Variants in ARHGAP23 observed in about 807,000 individuals in gnomAD.
ARHGAP23 encodes Rho GTPase activating protein 23.
In ARHGAP23, 34 loss-of-function variants were observed where a neutral mutation model predicts 136.3. The observed-to-expected ratio is 0.25, with a 90% CI of 0.19 to 0.33. The LOEUF is 0.33. Ranked by LOEUF, ARHGAP23 falls within the 10% of genes least tolerant of loss-of-function variation. ARHGAP23 has a pLI of 1.00. For synonymous variants in ARHGAP23, 832 were observed against 920.5 expected, an observed-to-expected ratio of 0.90 and a Z score of 1.74; for missense variants, 1,808 against 2,139.0, an observed-to-expected ratio of 0.85 and a Z score of 3.05.
At chr17:38,473,307 T>C (rs1387901180) in intron 11 of ARHGAP23, among the ~76,000 whole-genome samples, 1 of 152,066 alleles carries the variant, frequency 6.6e-6, no homozygotes, top group Non-Finnish European at 1.5e-5. Flanking sequence ...TGGGGGTCCC[T>C]GGAAAGAACA....
Position 38,466,874 on chromosome 17 carries a change from G to C in ARHGAP23, c.1191G>C (p.Leu397=). ...CCCCCGCCTGCCCAACTCGGGACCT[G>C]CCAGGGCCCCAGGCCCCACCCCCGT... is the stretch of plus-strand genomic sequence containing the variant. ...ARTPACPTRD[L]PGPQAPPPSG... is the part of the protein sequence containing the mutation. The change falls in exon 7 of 24, where the codon CTG becomes CTC. Residue 397 remains leucine, a synonymous_variant. Coordinates refer to ENST00000622683, the MANE Select transcript of ARHGAP23 (RefSeq NM_001199417.2). The C allele has an allele frequency of 6.5e-7, 1 of 1,549,760 alleles. No homozygotes were observed. Among genetic ancestry groups the C allele is most frequent in the Non-Finnish European group, 8.7e-7 (1 of 1,146,822 alleles).
At chr17:38,476,009 A>G (rs1396397409) in intron 11 of ARHGAP23, among the ~76,000 whole-genome samples, 1 of 152,178 alleles carries the variant, frequency 6.6e-6, no homozygotes, top group Non-Finnish European at 1.5e-5. Flanking sequence ...GAGAAAGGAA[A>G]GGCTTGGCTC....
chr17:38,460,954 C>T, intron 3 of ARHGAP23, 22 bp downstream of exon 3: 3 of 1,535,818 alleles, frequency 2.0e-6, no homozygotes, highest in Non-Finnish European at 2.6e-6. Flanking sequence ...CTGGCGGGCG[C>T]TGGACCTGCA....
chr17:38,466,629 TC>T lies in ARHGAP23; in HGVS notation c.949del (p.Gln317ArgfsTer22). On this transcript the variant is annotated frameshift_variant, in exon 7 of 24. Coordinates refer to ENST00000622683, the MANE Select transcript of ARHGAP23 (RefSeq NM_001199417.2). LOFTEE classifies it high-confidence loss of function. ...CATGGCCCCCCGGGCCCGCAGCGCC[TC>T]CCAGGACCGGTTGGAGGAGGTGGCT... is the stretch of plus-strand genomic sequence containing the variant. Reference protein sequence around the residue: ...PAMAPRARSASQDRLEEVAAP... With the variant: ...PAMAPRARSAXQDRLEEVAAP... 2 of 1,520,710 alleles carry T rather than the reference TC, an allele frequency of 1.3e-6. No homozygotes were observed. Among genetic ancestry groups the T allele is most frequent in the South Asian group, 1.2e-5 (1 of 80,766 alleles). 94.2% of individuals were successfully genotyped at this position (1,520,710 alleles called of 1,614,324 possible). A position where few individuals can be genotyped will look rare whatever the true frequency, so the allele number is the denominator to read the frequency against.
chr17:38,456,131 G>A (rs1194415787), intron 1 of ARHGAP23, among the ~76,000 whole-genome samples: 1 of 152,116 alleles, frequency 6.6e-6, no homozygotes, highest in Non-Finnish European at 1.5e-5. Context: ...TATTCCACCT[G>A]GCTCTGTCCC....
At position 38,511,613 on chromosome 17, in the gene ARHGAP23, G is replaced by C. The variant is rs1482808566; in HGVS notation, c.*641G>C. The C allele has an allele frequency of 6.6e-6, 1 of 152,260 alleles. No individual in the cohort carries two copies. Among genetic ancestry groups the C allele is most frequent in the Non-Finnish European group, 1.5e-5 (1 of 68,144 alleles). 9.4% of individuals were successfully genotyped at this position (152,260 alleles called of 1,614,324 possible). ...CGCCCCCCTTGCCAGAGCCAGAGAA[G>C]GGGGTTGGGGCCATTCCAAGGAGGC... On this transcript the variant is annotated 3_prime_UTR_variant, in exon 24 of 24. Coordinates refer to ENST00000622683, the MANE Select transcript of ARHGAP23 (RefSeq NM_001199417.2).
At chr17:38,501,492 G>A (rs1476091314) in intron 23 of ARHGAP23, among the ~76,000 whole-genome samples, 2 of 151,970 alleles carry the variant, frequency 1.3e-5, no homozygotes, top group Non-Finnish European at 2.9e-5. Flanking sequence ...TAGTGGAGAC[G>A]GGGTTTCACC....
At chr17:38,481,032 C>T (rs1370409988) in intron 14 of ARHGAP23, among the ~76,000 whole-genome samples, 1 of 151,938 alleles carries the variant, frequency 6.6e-6, no homozygotes, top group African/African-American at 2.4e-5. Context: ...GTCACTCAGG[C>T]TGGAGTGATC....
At chr17:38,465,823 G>A (rs2039577188) in intron 6 of ARHGAP23, among the ~76,000 whole-genome samples, 1 of 152,102 alleles carries the variant, frequency 6.6e-6, no homozygotes, top group Non-Finnish European at 1.5e-5. Flanking sequence ...TTGGGCATTG[G>A]TGGACATAAG....
At chr17:38,469,082 G>A in intron 7 of ARHGAP23, 62 bp from the exon 8 acceptor site, 7 of 1,489,748 alleles carry the variant, frequency 4.7e-6, no homozygotes, top group Non-Finnish European at 5.4e-6. Flanking sequence ...GCAAGGCTAG[G>A]GTGGAGGCAG....
At chr17:38,454,371 G>A (rs867820100) in intron 1 of ARHGAP23, among the ~76,000 whole-genome samples, 3 of 152,142 alleles carry the variant, frequency 2.0e-5, no homozygotes, top group Non-Finnish European at 4.4e-5. Context: ...AGTCTGGGTC[G>A]AGGCCTCCAC....
chr17:38,464,952 C>T (rs978217501), intron 6 of ARHGAP23, among the ~76,000 whole-genome samples: 2 of 152,190 alleles, frequency 1.3e-5, no homozygotes, highest in African/African-American at 4.8e-5. Context: ...CCTCCACACC[C>T]ATCCTCTCCT....
At chr17:38,498,598 C>T in intron 22 of ARHGAP23, 88 bp downstream of exon 22, 4 of 1,122,388 alleles carry the variant, frequency 3.6e-6, no homozygotes, top group Non-Finnish European at 5.0e-6. Context: ...TGCCCAGCTT[C>T]CCTGTGCCAC....
chr17:38,426,387 A>T (rs750205687), upstream of ARHGAP23, among the ~76,000 whole-genome samples: 7 of 151,848 alleles, frequency 4.6e-5, no homozygotes, highest in African/African-American at 1.7e-4. Flanking sequence ...CTAAAAATAC[A>T]AAAAATTAAA....
intron 1 of ARHGAP23, among the ~76,000 whole-genome samples, chr17:38,436,502 C>A (rs748530479): frequency 1.2e-4 from 18 of 152,222 alleles, no homozygotes; most frequent in Non-Finnish European, 1.9e-4. Context: ...TTGGGAAAGT[C>A]CGCCAGTGGG....
At chr17:38,497,171 A>G (rs1293139577) in intron 20 of ARHGAP23, among the ~76,000 whole-genome samples, 1 of 152,186 alleles carries the variant, frequency 6.6e-6, no homozygotes, top group Non-Finnish European at 1.5e-5. Context: ...AGATTCTCAA[A>G]TTTTACAAAA....
In ARHGAP23 at chr17:38,466,678, C is replaced by G; in HGVS notation, c.995C>G (p.Ser332Cys). Residue 332 changes from serine (S) to cysteine (C), a missense_variant, in exon 7 of 24, where the codon TCC (serine) becomes TGC (cysteine). Ser to Cys is a moderately radical substitution (Grantham distance 112). Transcript: ENST00000622683. ...EVAAPRPWPCSTSQDALSQLG... is the reference protein window; with the variant it reads ...EVAAPRPWPCCTSQDALSQLG... Reference sequence around the variant, plus strand: ...GCTGCCCCCCGCCCGTGGCCCTGCTCCACCTCCCAGGATGCTTTGAGCCAG... The same window carrying G: ...GCTGCCCCCCGCCCGTGGCCCTGCTGCACCTCCCAGGATGCTTTGAGCCAG... 1 of 1,520,192 alleles carries G rather than the reference C, an allele frequency of 6.6e-7. No individual in the cohort carries two copies. The highest frequency in any genetic ancestry group is 1.3e-5 in the South Asian group (1 of 79,514). The allele number at this position is 1,520,192 out of a possible 1,614,324, so 94.2% of individuals were successfully genotyped here.
At chr17:38,428,443 G>T (rs893175016), upstream of ARHGAP23, 2 of 1,303,660 alleles carry the variant, frequency 1.5e-6, no homozygotes, top group Non-Finnish European at 2.0e-6. Flanking sequence ...CCCTGCCGGC[G>T]CCCCCAGCCG....
chr17:38,497,101 C>T (rs1462912124), intron 20 of ARHGAP23, among the ~76,000 whole-genome samples: 14 of 152,220 alleles, frequency 9.2e-5, no homozygotes, highest in Admixed American at 3.9e-4. Flanking sequence ...ACCTGTGATA[C>T]GTGTTCATTT....
Sources: allele counts gnomAD v4.1 joint callset (sites outside exome capture counted in the v4.1 genomes callset), GRCh38; gene constraint gnomAD v4.1.1; transcripts MANE v1.5; gene names NCBI Gene and HGNC (gene_info 2026-07-23, HGNC 2026-07-21).